ESF1: variants seen among roughly 807,000 people sequenced by gnomAD.
ESF1 encodes ESF1 nucleolar pre-rRNA processing protein.
ESF1 carries 58 observed loss-of-function variants against 92.0 expected under a neutral mutation model. The observed-to-expected ratio is 0.63, with a 90% CI of 0.51 to 0.78. The LOEUF is 0.78. Among genes scored for constraint, ESF1 ranks in the 30% least tolerant of loss-of-function variants. The probability of loss-of-function intolerance (pLI) is 0.00; values close to 1 mark genes in which losing one functional copy is unlikely to be tolerated. For missense variants in ESF1, 922 were observed against 989.1 expected (o/e 0.93, Z 0.91); for synonymous variants, 321 against 313.7 (o/e 1.02, Z -0.24).
At chr20:13,733,475 A>G (rs767289943) in intron 10 of ESF1, among the ~76,000 whole-genome samples, 10 of 152,232 alleles carry the variant, frequency 6.6e-5, no homozygotes, top group Non-Finnish European at 1.0e-4. Flanking sequence ...GGTGGCATGT[A>G]AATGTAAAAT....
chr20:13,759,782 C>G lies in ESF1; in HGVS notation c.1738G>C (p.Ala580Pro). The change falls in exon 9 of 14, where the codon GCT (alanine) becomes CCT (proline). Residue 580 changes from alanine to proline, a missense_variant. By Grantham distance (27) the Ala-to-Pro change is conservative. Coordinates refer to ENST00000617257, the MANE Select transcript of ESF1 (RefSeq NM_001276380.2). ...KSQKDDEEQI[A>P]KYRQLLQVIQ... ...ACCTGCAAGAGCTGCCTGTATTTAG[C>G]AATTTGTTCTTCATCATCCTTCTGA... 6.3e-7 allele frequency: 1 copy of G among 1,589,928 alleles called. No individual in the cohort carries two copies. Among genetic ancestry groups the G allele is most frequent in the Non-Finnish European group, 8.5e-7 (1 of 1,173,482 alleles).
intron 2 of ESF1, among the ~76,000 whole-genome samples, chr20:13,781,606 T>C (rs1011063331): frequency 1.3e-5 from 2 of 152,208 alleles, no homozygotes; most frequent in African/African-American, 4.8e-5. Context: ...CTGTGTCTGC[T>C]CAGGGGCAAA....
chr20:13,771,912 C>CTTTTT (rs5840576), intron 5 of ESF1, among the ~76,000 whole-genome samples: 1 of 128,774 alleles, frequency 7.8e-6, no homozygotes, highest in Non-Finnish European at 1.7e-5. Context: ...ACAACACATT[C>CTTTTT]TTTTTTTTTT....
Position 13,775,264 on chromosome 20 carries a change from G to A in ESF1, c.1042C>T (p.Arg348Cys), listed in dbSNP as rs755576843. 32 of 1,584,570 alleles carry A rather than the reference G, an allele frequency of 2.0e-5. No individual in the cohort carries two copies. Among genetic ancestry groups the A allele is most frequent in the South Asian group, 6.8e-5 (6 of 87,768 alleles). Reference sequence around the variant, plus strand: ...TCCATGTTACAAACTGCTAATCGACGTGTAATCTGAGAAATGAGAAGAATT... The same window carrying A: ...TCCATGTTACAAACTGCTAATCGACATGTAATCTGAGAAATGAGAAGAATT... ...KDAPRADEITRRLAVCNMDWD... is the reference protein window; with the variant it reads ...KDAPRADEITCRLAVCNMDWD... The change falls in exon 4 of 14, where the codon CGT becomes TGT. Residue 348 changes from arginine to cysteine, a missense_variant. Physicochemically the swap from Arg to Cys is radical, Grantham distance 180. Coordinates refer to ENST00000617257, the MANE Select transcript of ESF1 (RefSeq NM_001276380.2).
intron 9 of ESF1, among the ~76,000 whole-genome samples, chr20:13,744,471 C>CA (rs2050035121): frequency 1.3e-5 from 2 of 152,166 alleles, no homozygotes; most frequent in Non-Finnish European, 2.9e-5. Flanking sequence ...CAGGTGACAT[C>CA]ATCTCCATTT....
chr20:13,767,916 T>C (rs1255646065), intron 7 of ESF1, among the ~76,000 whole-genome samples: 1 of 152,168 alleles, frequency 6.6e-6, no homozygotes, highest in Non-Finnish European at 1.5e-5. Context: ...AGTCAGAGGA[T>C]TCAGAAATGA....
intron 10 of ESF1, among the ~76,000 whole-genome samples, chr20:13,731,410 T>C (rs1355170603): frequency 1.3e-5 from 2 of 151,616 alleles, no homozygotes; most frequent in East Asian, 3.9e-4. Context: ...CGGGCGCCTG[T>C]AGTCCCAGCT....
At chr20:13,756,470 C>A (rs1372090686) in intron 9 of ESF1, among the ~76,000 whole-genome samples, 1 of 152,188 alleles carries the variant, frequency 6.6e-6, no homozygotes, top group African/African-American at 2.4e-5. Flanking sequence ...GTATTATAAG[C>A]TGGTACAACA....
chr20:13,782,867 T>C lies in ESF1; in HGVS notation c.274A>G (p.Lys92Glu). 1 of 1,609,144 alleles carries C rather than the reference T, an allele frequency of 6.2e-7. No homozygotes were observed. ...SGEDSKALSQ[K>E]KIKKKKTQTK... is the part of the protein sequence containing the mutation. ...TGGGTTTTTTTCTTCTTTATTTTCT[T>C]TTGACTCAATGCTTTGCTATCTTCA... is the stretch of plus-strand genomic sequence containing the variant. Residue 92 changes from lysine to glutamate, a missense_variant, in exon 2 of 14, where the codon AAG (lysine) becomes GAG (glutamate). Lys to Glu is a moderately conservative substitution (Grantham distance 56, BLOSUM62 1). Transcript: ENST00000617257.
chr20:13,717,558 T>A (rs1002803604), intron 12 of ESF1, 44 bp from the exon 13 acceptor site: 1 of 1,604,820 alleles, frequency 6.2e-7, no homozygotes, highest in African/African-American at 1.3e-5. Flanking sequence ...CAGTGCTTTT[T>A]TTTCCACCCC....
chr20:13,777,377 G>T (rs1979990994), intron 2 of ESF1, among the ~76,000 whole-genome samples: 1 of 152,176 alleles, frequency 6.6e-6, no homozygotes, highest in Admixed American at 6.5e-5. Context: ...GGGAACACTG[G>T]AAATGAACTA....
intron 4 of ESF1, 49 bp downstream of exon 4, chr20:13,775,108 A>T: frequency 7.7e-7 from 1 of 1,302,772 alleles, no homozygotes; most frequent in Non-Finnish European, 1.1e-6. Flanking sequence ...AATCAGATTT[A>T]ACTTAAAATG....
intron 9 of ESF1, among the ~76,000 whole-genome samples, chr20:13,750,438 G>A (rs1427617935): frequency 6.6e-6 from 1 of 152,148 alleles, no homozygotes; most frequent in Admixed American, 6.5e-5. Flanking sequence ...GCGGGAGGCA[G>A]CGGTTGCAGT....
At chr20:13,759,881 A>AGG (rs1164329528) in intron 8 of ESF1, 28 bp from the exon 9 acceptor site, 1 of 1,564,972 alleles carries the variant, frequency 6.4e-7, no homozygotes, top group Non-Finnish European at 8.6e-7. Flanking sequence ...CACTTAATAC[A>AGG]CAGAAACAAT....
chr20:13,729,123 G>C (rs2049924024), intron 10 of ESF1, among the ~76,000 whole-genome samples: 1 of 152,074 alleles, frequency 6.6e-6, no homozygotes, highest in Non-Finnish European at 1.5e-5. Flanking sequence ...GCCAGGCATG[G>C]TGGTGGGCAC....
Position 13,728,554 on chromosome 20 carries a change from A to G in ESF1, c.1951-89T>C, listed in dbSNP as rs113550979. The G allele has an allele frequency of 1.8e-4, 190 of 1,048,214 alleles. 2 individuals are homozygous for G. The African/African-American group carries it at 2.4e-3, about 13-fold the overall frequency. The allele number at this position is 1,048,214 out of a possible 1,614,324, so 64.9% of individuals were successfully genotyped here. Reference sequence around the variant, plus strand: ...AAGAAAAACTATGCATTTCTTTTAAACCAAGTAGTTCAATCTAAAAGTAAA... The same window carrying G: ...AAGAAAAACTATGCATTTCTTTTAAGCCAAGTAGTTCAATCTAAAAGTAAA... On this transcript the variant is annotated intron_variant, in intron 10 of 13. Transcript: ENST00000617257.
At chr20:13,749,232 A>ATTTTTTTTTTTTTTTTTTTTTTTTTTTT in intron 9 of ESF1, among the ~76,000 whole-genome samples, 1 of 89,664 alleles carries the variant, frequency 1.1e-5, no homozygotes, top group Non-Finnish European at 2.1e-5. Context: ...TGCCCGGCTA[A>ATTTTTTTTTTTTTTTTTTTTTTTTTTTT]TTTTTTTTTT....
intron 10 of ESF1, among the ~76,000 whole-genome samples, chr20:13,732,042 C>T (rs935427598): frequency 1.3e-5 from 2 of 152,208 alleles, no homozygotes; most frequent in African/African-American, 4.8e-5. Flanking sequence ...AGGTCTGTGG[C>T]CACTCCAGCA....
chr20:13,746,547 T>C (rs2050049937), intron 9 of ESF1, among the ~76,000 whole-genome samples: 1 of 152,126 alleles, frequency 6.6e-6, no homozygotes, highest in African/African-American at 2.4e-5. Context: ...CTATCCCAAA[T>C]TTCATTATAA....
Sources: allele counts gnomAD v4.1 joint callset (sites outside exome capture counted in the v4.1 genomes callset), GRCh38; gene constraint gnomAD v4.1.1; transcripts MANE v1.5; gene names NCBI Gene and HGNC (gene_info 2026-07-23, HGNC 2026-07-21).